The following PKP2 variants were observed in gnomAD, a reference collection of about 807,000 sequenced individuals.
The protein encoded by PKP2 is plakophilin-2.
A neutral mutation model predicts 83.4 loss-of-function variants in PKP2; 73 were observed. The ratio of observed to expected loss-of-function variants is 0.88; its 90% CI spans 0.72 to 1.06. The LOEUF (loss-of-function observed/expected upper bound fraction) is 1.06. Among genes scored for constraint, PKP2 ranks in the 50% least tolerant of loss-of-function variants. The probability of loss-of-function intolerance (pLI) is 0.00; values close to 1 mark genes in which losing one functional copy is unlikely to be tolerated. For missense variants in PKP2, 966 were observed against 1,065.4 expected, an observed-to-expected ratio of 0.91 and a Z score of 1.30; for synonymous variants, 409 against 430.4, an observed-to-expected ratio of 0.95 and a Z score of 0.62.
Position 32,877,959 on chromosome 12 carries a change from A to T in PKP2, c.921T>A (p.Ser307Arg). Reference protein sequence around the residue: ...STRTLREAGPSVAVDSSGRRA... With the variant: ...STRTLREAGPRVAVDSSGRRA... ...TCCTCCCGCTGGAATCCACGGCGAC[A>T]CTGGGCCCAGCTTCCCTCAGCGTGC... The change falls in exon 3 of 13, where the codon AGT becomes AGA. Residue 307 changes from serine to arginine, a missense_variant. Ser to Arg is a moderately radical substitution (Grantham distance 110). Coordinates refer to ENST00000340811, the MANE Select transcript of PKP2 (RefSeq NM_001005242.3). 4 of 1,614,180 alleles carry T rather than the reference A, an allele frequency of 2.5e-6. No individual in the cohort carries two copies. The highest frequency in any genetic ancestry group is 2.5e-6 in the Non-Finnish European group (3 of 1,180,028).
chr12:32,824,203 G>T, intron 6 of PKP2, 41 bp from the exon 7 acceptor site: 1 of 1,324,154 alleles, frequency 7.6e-7, no homozygotes, highest in Non-Finnish European at 1.1e-6. Flanking sequence ...AGTCTAGGCT[G>T]TGTATCCAAC....
chr12:32,876,952 C>G (rs1003563982), intron 3 of PKP2, among the ~76,000 whole-genome samples: 1 of 152,116 alleles, frequency 6.6e-6, no homozygotes, highest in African/African-American at 2.4e-5. Context: ...TTAGATTAGC[C>G]CTCATCATTT....
intron 6 of PKP2, among the ~76,000 whole-genome samples, chr12:32,825,418 G>A (rs1277990393): frequency 6.6e-6 from 1 of 151,968 alleles, no homozygotes; most frequent in Non-Finnish European, 1.5e-5. Flanking sequence ...TGAACCGCCC[G>A]CCTTGGCCTC....
intron 9 of PKP2, among the ~76,000 whole-genome samples, chr12:32,813,784 G>GAA (rs1253660240): frequency 7.6e-6 from 1 of 131,528 alleles, no homozygotes. Flanking sequence ...CTCATCTTGG[G>GAA]AAAAAAAAAA....
Position 32,821,789 on chromosome 12 carries a change from G to C in PKP2, c.1840-260C>G, listed in dbSNP as rs1387338420. Reference sequence around the variant, plus strand: ...AGTGAGAGAAAATTCAGAGAATTAAGCATAGGTCATTCTAGAATGGTTTTC... The same window carrying C: ...AGTGAGAGAAAATTCAGAGAATTAACCATAGGTCATTCTAGAATGGTTTTC... On this transcript the variant is annotated intron_variant, in intron 8 of 12. Transcript: ENST00000340811. The C allele has an allele frequency of 1.3e-5, 6 of 445,942 alleles. No individual in the cohort carries two copies. In the East Asian group the frequency reaches 2.8e-4, roughly 21 times the overall value. The allele number at this position is 445,942 out of a possible 1,614,324, so 27.6% of individuals were successfully genotyped here.
chr12:32,851,505 G>T (rs1388680825), intron 4 of PKP2, among the ~76,000 whole-genome samples: 1 of 152,134 alleles, frequency 6.6e-6, no homozygotes, highest in Admixed American at 6.5e-5. Context: ...GTCTGGCTCT[G>T]TCACCCAGGC....
chr12:32,796,053 A>G (rs1408821598), intron 11 of PKP2, 56 bp downstream of exon 11: 10 of 1,440,312 alleles, frequency 6.9e-6, no homozygotes, highest in South Asian at 1.1e-5. Context: ...GATTATTTAC[A>G]CACAGGCTGG....
intron 4 of PKP2, among the ~76,000 whole-genome samples, chr12:32,857,611 T>C (rs1956761221): frequency 6.6e-6 from 1 of 152,176 alleles, no homozygotes; most frequent in Admixed American, 6.5e-5. Context: ...AGCACCATGT[T>C]TAACCTAAGA....
intron 9 of PKP2, among the ~76,000 whole-genome samples, chr12:32,810,278 T>C (rs11525539): frequency 0.091 from 13,915 of 152,248 alleles, 1,349 homozygotes; most frequent in East Asian, 0.54. Context: ...TGTTAGAAAC[T>C]TCTTTAGTAT....
rs1304132158 is a variant in PKP2, at chr12:32,874,038, C to CGA, written c.1034+3807_1034+3808insTC. 3.9e-5 allele frequency among the ~76,000 whole-genome samples: 6 copies of CGA among 152,332 alleles called. No homozygotes were observed. In the East Asian group the frequency reaches 1.2e-3, roughly 29 times the overall value. ...TTTGTCTCTCTCACACTCCAAGTCTCAGTTTTTAGCTGCATTAGTAACTGT... is the reference window on the plus strand; with the variant it reads ...TTTGTCTCTCTCACACTCCAAGTCTCGAAGTTTTTAGCTGCATTAGTAACTGT... On this transcript the variant is annotated intron_variant, in intron 3 of 12. Coordinates refer to ENST00000340811, the MANE Select transcript of PKP2 (RefSeq NM_001005242.3).
At position 32,869,404 on chromosome 12, in the gene PKP2, G is replaced by T. The variant is rs139204561; in HGVS notation, c.1035-342C>A. Among the ~76,000 whole-genome samples the T allele has an allele frequency of 5.0e-3, 757 of 150,942 alleles. 7 individuals carry two copies. The highest frequency in any genetic ancestry group is 0.017 in the African/African-American group (719 of 41,406). On this transcript the variant is annotated intron_variant, in intron 3 of 12. Coordinates refer to ENST00000340811, the MANE Select transcript of PKP2 (RefSeq NM_001005242.3). ...GTTCAAGACCAGCCTGGCCAACATG[G>T]TGAAACCCTATCTCTACTAAAAATA...
At chr12:32,869,474 TG>T (rs993119538) in intron 3 of PKP2, among the ~76,000 whole-genome samples, 1 of 151,394 alleles carries the variant, frequency 6.6e-6, no homozygotes, top group African/African-American at 2.4e-5. Flanking sequence ...TAATCTCAGG[TG>T]TAATACTGTA....
chr12:32,861,028 A>AAAACAAACAAAC (rs58398546), intron 4 of PKP2, among the ~76,000 whole-genome samples: 19,461 of 151,422 alleles, frequency 0.13, 1,394 homozygotes, highest in Middle Eastern at 0.2. Flanking sequence ...ACTCTGTCTC[A>AAAACAAACAAAC]AAACAAACAA....
At chr12:32,849,663 C>T (rs183500495) in intron 5 of PKP2, among the ~76,000 whole-genome samples, 1 of 152,336 alleles carries the variant, frequency 6.6e-6, no homozygotes, top group Admixed American at 6.5e-5. Context: ...AGCCCCTTCT[C>T]TTCATGCTTA....
chr12:32,861,285 G>A (rs1956795669), intron 4 of PKP2, among the ~76,000 whole-genome samples: 1 of 152,132 alleles, frequency 6.6e-6, no homozygotes, highest in East Asian at 1.9e-4. Context: ...AGAATTAGCA[G>A]ACAAGGACAT....
intron 4 of PKP2, among the ~76,000 whole-genome samples, chr12:32,862,111 G>A (rs552783581): frequency 2.6e-5 from 4 of 152,038 alleles, no homozygotes; most frequent in East Asian, 1.9e-4. Flanking sequence ...TGCCCAGGCC[G>A]GTCTTGAACT....
intron 6 of PKP2, among the ~76,000 whole-genome samples, chr12:32,824,649 A>G (rs1276746426): frequency 6.6e-6 from 1 of 152,180 alleles, no homozygotes; most frequent in Non-Finnish European, 1.5e-5. Context: ...TTCAGTATAA[A>G]CTGTTATTGA....
At position 32,824,144 on chromosome 12, in the gene PKP2, G is replaced by A. The variant is rs780049494; in HGVS notation, c.1575C>T (p.Gly525=). The A allele has an allele frequency of 1.8e-5, 29 of 1,611,178 alleles. No individual in the cohort carries two copies. In the South Asian group the frequency reaches 1.9e-4, roughly 10 times the overall value. ...TTCTCATCGCTTTTCTCCCATCAGC[G>A]CCAGCAGAACTCATGTTTCTATCAG... ...TGCLRNMSSA[G]ADGRKAMRRC... is the part of the protein sequence containing the mutation. The change falls in exon 7 of 13, where the codon GGC becomes GGT. Residue 525 remains glycine, a synonymous_variant. Transcript: ENST00000340811.
chr12:32,792,868 G>C, intron 11 of PKP2, 137 bp from the exon 12 acceptor site: 1 of 732,170 alleles, frequency 1.4e-6, no homozygotes, highest in Non-Finnish European at 2.5e-6. Context: ...GCCACTCGGT[G>C]ACCAGACAAT....
Sources: gnomAD v4.1 joint callset for allele counts (sites outside exome capture counted in the v4.1 genomes callset) on GRCh38, gnomAD v4.1.1 for gene constraint, MANE v1.5 for transcripts, NCBI Gene and HGNC (gene_info 2026-07-23, HGNC 2026-07-21) for gene names.